ADAMTSL1: variants seen among roughly 807,000 people sequenced by gnomAD.
ADAMTSL1 encodes the protein ADAMTS-like protein 1.
ADAMTSL1 carries 126 observed loss-of-function variants against 201.8 expected under a neutral mutation model. That is an observed-to-expected ratio of 0.62 (90% CI 0.54 to 0.72). The LOEUF (loss-of-function observed/expected upper bound fraction) is 0.72. ADAMTSL1 is among the 30% of genes least tolerant of loss of function. The pLI, the probability that ADAMTSL1 is intolerant of heterozygous loss-of-function variation, is 0.00. For missense variants in ADAMTSL1, 2,679 were observed against 2,277.8 expected, an observed-to-expected ratio of 1.18 and a Z score of -3.59; for synonymous variants, 1,121 against 903.4, an observed-to-expected ratio of 1.24 and a Z score of -4.32.
chr9:17,967,163 T>C (rs1300949350), intron 1 of ADAMTSL1, among the ~76,000 whole-genome samples: 1 of 152,140 alleles, frequency 6.6e-6, no homozygotes, highest in Admixed American at 6.6e-5. Flanking sequence ...CATGTCCGGA[T>C]GTAGGTAGGA....
At chr9:17,997,191 A>G (rs1301264464) in intron 1 of ADAMTSL1, among the ~76,000 whole-genome samples, 1 of 152,120 alleles carries the variant, frequency 6.6e-6, no homozygotes, top group Non-Finnish European at 1.5e-5. Flanking sequence ...AAGAGAAAAA[A>G]CAATTGAATC....
At position 18,778,316 on chromosome 9, in the gene ADAMTSL1, T is replaced by A. The variant is rs144333765; in HGVS notation, c.3677+410T>A. 3.8e-3 allele frequency among the ~76,000 whole-genome samples: 584 copies of A among 152,262 alleles called. 1 individual carries two copies. Among genetic ancestry groups the A allele is most frequent in the African/African-American group, 0.013 (560 of 41,558 alleles). On this transcript the variant is annotated intron_variant, in intron 19 of 28. Coordinates refer to ENST00000380548, the MANE Select transcript of ADAMTSL1 (RefSeq NM_001040272.6). ...TGGAACACTGACTCCGTGTGTGTGGTCCCCCAGGGCTGGGCAGAGAATGCA... is the reference window on the plus strand; with the variant it reads ...TGGAACACTGACTCCGTGTGTGTGGACCCCCAGGGCTGGGCAGAGAATGCA...
chr9:18,565,781 C>G (rs190789206), intron 3 of ADAMTSL1, among the ~76,000 whole-genome samples: 2 of 152,266 alleles, frequency 1.3e-5, no homozygotes, highest in Admixed American at 6.5e-5. Context: ...GCAACTATGT[C>G]TGTTTAATTT....
intron 1 of ADAMTSL1, among the ~76,000 whole-genome samples, chr9:18,133,252 C>T (rs1200796284): frequency 6.6e-6 from 1 of 152,070 alleles, no homozygotes; most frequent in African/African-American, 2.4e-5. Context: ...TCCAGTTAGG[C>T]TAATAACTCA....
intron 2 of ADAMTSL1, among the ~76,000 whole-genome samples, chr9:18,414,945 G>A (rs948803370): frequency 7.9e-5 from 12 of 152,288 alleles, no homozygotes; most frequent in African/African-American, 2.9e-4. Flanking sequence ...AATTTACAGG[G>A]TTTAGGGTAG....
At chr9:17,981,411 T>C (rs1818689072) in intron 1 of ADAMTSL1, among the ~76,000 whole-genome samples, 1 of 152,244 alleles carries the variant, frequency 6.6e-6, no homozygotes, top group Admixed American at 6.5e-5. Context: ...GTCCTAGTTA[T>C]TTTGGTCATT....
intron 1 of ADAMTSL1, among the ~76,000 whole-genome samples, chr9:18,159,026 C>A (rs1827273682): frequency 6.6e-6 from 1 of 152,008 alleles, no homozygotes; most frequent in Middle Eastern, 3.2e-3. Context: ...GCATGTTCTA[C>A]TTGTGCCAAG....
intron 13 of ADAMTSL1, among the ~76,000 whole-genome samples, chr9:18,696,922 C>T (rs1831593407): frequency 7.5e-6 from 1 of 132,628 alleles, no homozygotes; most frequent in Non-Finnish European, 1.6e-5. Context: ...GCTTTGTCGC[C>T]AGGCTGGAGT....
In ADAMTSL1 at chr9:18,623,790, G is replaced by A. The variant is rs989924409; in HGVS notation, c.601+1421G>A. On this transcript the variant is annotated intron_variant, in intron 5 of 28. Coordinates refer to ENST00000380548, the MANE Select transcript of ADAMTSL1 (RefSeq NM_001040272.6). Reference sequence around the variant, plus strand: ...TATTGTCTCCAGATTTTGCTACTATGCAGAATCCTTCAATAGATCCCTGAC... The same window carrying A: ...TATTGTCTCCAGATTTTGCTACTATACAGAATCCTTCAATAGATCCCTGAC... 2.6e-5 allele frequency among the ~76,000 whole-genome samples: 4 copies of A among 152,170 alleles called. No individual in the cohort carries two copies. The South Asian group carries it at 8.3e-4, about 32-fold the overall frequency.
At chr9:18,663,721 G>A (rs1488617758) in intron 9 of ADAMTSL1, among the ~76,000 whole-genome samples, 1 of 151,426 alleles carries the variant, frequency 6.6e-6, no homozygotes, top group Non-Finnish European at 1.5e-5. Context: ...TTTCCACAAA[G>A]AAAAAAAATG....
intron 1 of ADAMTSL1, among the ~76,000 whole-genome samples, chr9:18,494,003 A>C (rs763192308): frequency 3.3e-5 from 5 of 152,220 alleles, no homozygotes; most frequent in Non-Finnish European, 5.9e-5. Flanking sequence ...ACAAGTAACT[A>C]TACTGGGTGG....
rs1357089801 is a variant in ADAMTSL1, at chr9:18,777,901, T to C, written c.3672T>C (p.Ser1224=). ...WARNGEEVQF[S]DRILLQPDDS... ...GGAATGGAGAAGAAGTTCAGTTCAG[T>C]GACAGGTGAGCCTTGTAGCTAACCT... Residue 1224 remains serine, a synonymous_variant, in exon 19 of 29, where the codon AGT becomes AGC. Transcript: ENST00000380548. 6.5e-7 allele frequency: 1 copy of C among 1,543,608 alleles called. No homozygotes were observed. The highest frequency in any genetic ancestry group is 8.8e-7 in the Non-Finnish European group (1 of 1,141,674).
chr9:18,909,431 A>C lies in ADAMTSL1; in HGVS notation c.*883A>C, dbSNP rs1380103428. 1 of 152,442 alleles carries C rather than the reference A, an allele frequency of 6.6e-6. No individual in the cohort carries two copies. The highest frequency in any genetic ancestry group is 2.4e-5 in the African/African-American group (1 of 41,462). 9.4% of individuals were successfully genotyped at this position (152,442 alleles called of 1,614,324 possible). On this transcript the variant is annotated 3_prime_UTR_variant, in exon 29 of 29. Coordinates refer to ENST00000380548, the MANE Select transcript of ADAMTSL1 (RefSeq NM_001040272.6). ...CTGCCTGTGCAGCTGCAGCAAAGCC[A>C]GTGAGAGGTGGGTCTCGCCATGCAG... is the stretch of plus-strand genomic sequence containing the variant.
At chr9:18,007,426 A>T (rs890958016) in intron 1 of ADAMTSL1, among the ~76,000 whole-genome samples, 2 of 152,060 alleles carry the variant, frequency 1.3e-5, no homozygotes, top group Non-Finnish European at 2.9e-5. Flanking sequence ...CTACCATATC[A>T]TTAGCCAGCT....
At chr9:18,179,804 C>G (rs201393799) in intron 2 of ADAMTSL1, among the ~76,000 whole-genome samples, 1 of 151,246 alleles carries the variant, frequency 6.6e-6, no homozygotes, top group Non-Finnish European at 1.5e-5. Context: ...GAAATAAAAT[C>G]CTTTACAGAC....
intron 16 of ADAMTSL1, among the ~76,000 whole-genome samples, chr9:18,766,681 G>T (rs1286400409): frequency 6.6e-6 from 1 of 152,132 alleles, no homozygotes; most frequent in African/African-American, 2.4e-5. Context: ...TTCATAGATG[G>T]TGCTCTGTAG....
At chr9:18,861,508 A>T (rs1174429778) in intron 23 of ADAMTSL1, among the ~76,000 whole-genome samples, 1 of 152,152 alleles carries the variant, frequency 6.6e-6, no homozygotes, top group East Asian at 1.9e-4. Flanking sequence ...GGAGTATATA[A>T]ATCCAAGGCA....
Position 18,888,093 on chromosome 9 carries a change from C to T in ADAMTSL1, c.4462+50C>T, listed in dbSNP as rs183400163. 1,097 of 1,555,580 alleles carry T rather than the reference C, an allele frequency of 7.1e-4. 10 individuals are homozygous for T. Among genetic ancestry groups the T allele is most frequent in the Non-Finnish European group, 7.6e-5 (86 of 1,137,548 alleles). ...TACTGGACTTGAACAAGAAAGCCCA[C>T]TTGGGAATCTAACTATCTAGCAGAA... On this transcript the variant is annotated intron_variant, in intron 24 of 28. Coordinates refer to ENST00000380548, the MANE Select transcript of ADAMTSL1 (RefSeq NM_001040272.6).
intron 1 of ADAMTSL1, among the ~76,000 whole-genome samples, chr9:18,022,055 C>T (rs767648359): frequency 3.9e-5 from 6 of 152,088 alleles, no homozygotes; most frequent in Non-Finnish European, 5.9e-5. Context: ...CTCTAACATT[C>T]ACAGTACTCA....
Sources: allele counts gnomAD v4.1 joint callset (sites outside exome capture counted in the v4.1 genomes callset), GRCh38; gene constraint gnomAD v4.1.1; transcripts MANE v1.5; gene names NCBI Gene and HGNC (gene_info 2026-07-23, HGNC 2026-07-21).